The following ILDR1 variants were observed in gnomAD, a reference collection of about 807,000 sequenced individuals.
The protein encoded by ILDR1 is immunoglobulin-like domain-containing receptor 1.
ILDR1 carries 56 observed loss-of-function variants against 62.4 expected under a neutral mutation model. The observed-to-expected ratio is 0.90, with a 90% confidence interval of 0.72 to 1.12. ILDR1 has a LOEUF of 1.12. Among genes scored for constraint, ILDR1 ranks in the 50% most tolerant of loss-of-function variants. The pLI is 0.00. For synonymous variants in ILDR1, 284 were observed against 277.8 expected (o/e 1.02, Z -0.22); for missense variants, 736 against 710.6 (o/e 1.04, Z -0.41).
upstream of ILDR1, chr3:122,022,402 C>T: frequency 3.1e-6 from 1 of 324,748 alleles, no homozygotes. Flanking sequence ...ACCCCGCTGA[C>T]GGAGAAGATT....
intron 2 of ILDR1, among the ~76,000 whole-genome samples, chr3:122,005,925 A>G (rs2071602270): frequency 7.2e-6 from 1 of 139,344 alleles, no homozygotes; most frequent in Admixed American, 7.2e-5. Flanking sequence ...ACAAAAACAA[A>G]AACAAACAAA....
intron 1 of ILDR1, among the ~76,000 whole-genome samples, chr3:122,014,265 G>A (rs2071746843): frequency 6.6e-6 from 1 of 152,126 alleles, no homozygotes; most frequent in Non-Finnish European, 1.5e-5. Flanking sequence ...GTTCCTCCTT[G>A]CTCACCATGA....
the ILDR1 span, among the ~76,000 whole-genome samples, chr3:122,041,831 A>G: frequency 6.6e-6 from 1 of 151,088 alleles, no homozygotes. Flanking sequence ...AGAGCTTTCT[A>G]TATATAAGAT....
At chr3:122,045,610 G>C in the ILDR1 span, among the ~76,000 whole-genome samples, 1 of 150,432 alleles carries the variant, frequency 6.6e-6, no homozygotes, top group Admixed American at 6.6e-5. Context: ...TCCTGTATTG[G>C]GTGCATATAT....
At chr3:122,053,768 TTAAA>T in the ILDR1 span, among the ~76,000 whole-genome samples, 1 of 152,234 alleles carries the variant, frequency 6.6e-6, no homozygotes, top group South Asian at 2.1e-4. Context: ...TTATGCTATC[TTAAA>T]TAAAAATTTG....
chr3:122,021,809 G>T (rs1420847479), intron 1 of ILDR1, among the ~76,000 whole-genome samples: 1 of 152,236 alleles, frequency 6.6e-6, no homozygotes, highest in East Asian at 1.9e-4. Context: ...ACCTGTTTGG[G>T]AAGGGCCTGG....
chr3:122,029,451 G>A, the ILDR1 span, among the ~76,000 whole-genome samples: 2 of 151,012 alleles, frequency 1.3e-5, no homozygotes, highest in South Asian at 2.1e-4. Context: ...AGTTTGCAGT[G>A]AGCCGAGATC....
At chr3:122,007,392 A>G in intron 1 of ILDR1, 1 of 726,426 alleles carries the variant, frequency 1.4e-6, no homozygotes, top group Non-Finnish European at 2.2e-6. Context: ...GAAAACTCCC[A>G]GGAATTTACA....
intron 7 of ILDR1, among the ~76,000 whole-genome samples, chr3:121,989,344 A>G (rs918565622): frequency 6.6e-6 from 1 of 152,230 alleles, no homozygotes; most frequent in Non-Finnish European, 1.5e-5. Flanking sequence ...ATCAAGGAGT[A>G]GACATTTTGT....
the ILDR1 span, among the ~76,000 whole-genome samples, chr3:122,045,495 T>C: frequency 6.6e-6 from 1 of 152,104 alleles, no homozygotes; most frequent in Non-Finnish European, 1.5e-5. Flanking sequence ...GTCTGGTTGA[T>C]CTGTCTAATG....
the ILDR1 span, chr3:122,055,516 T>C: frequency 6.8e-6 from 11 of 1,613,656 alleles, no homozygotes; most frequent in Middle Eastern, 1.6e-4. Context: ...GAGTAATAAT[T>C]CTTATTCTTT....
intron 5 of ILDR1, among the ~76,000 whole-genome samples, 172 bp from the exon 6 acceptor site, chr3:121,994,485 C>T (rs575678833): frequency 2.5e-4 from 38 of 152,304 alleles, no homozygotes; most frequent in Non-Finnish European, 4.9e-4. Flanking sequence ...GTCCCCCTGG[C>T]GAGGAGCTGG....
intron 1 of ILDR1, among the ~76,000 whole-genome samples, chr3:122,018,394 T>TGGGGGGGGGGGG (rs535294009): frequency 1.9e-5 from 1 of 51,868 alleles, no homozygotes; most frequent in Non-Finnish European, 4.0e-5. Context: ...CCTGTTGGGG[T>TGGGGGGGGGGGG]GGGGGGGGGG....
chr3:121,990,676 A>G (rs1367743524), intron 7 of ILDR1, among the ~76,000 whole-genome samples: 1 of 152,144 alleles, frequency 6.6e-6, no homozygotes, highest in Non-Finnish European at 1.5e-5. Flanking sequence ...CACTGAGCCT[A>G]GAACCTGGGC....
At chr3:122,002,792 C>T (rs181523738) in intron 3 of ILDR1, among the ~76,000 whole-genome samples, 140 of 152,212 alleles carry the variant, frequency 9.2e-4, no homozygotes, top group African/African-American at 3.1e-3. Context: ...TCCAACAGGC[C>T]GCGGTGTGTA....
chr3:122,030,911 G>T, the ILDR1 span, among the ~76,000 whole-genome samples: 4 of 152,176 alleles, frequency 2.6e-5, no homozygotes, highest in African/African-American at 7.2e-5. Context: ...TTGAATGAGA[G>T]AATGTCTTGC....
intron 1 of ILDR1, among the ~76,000 whole-genome samples, chr3:122,010,971 G>A (rs1057440329): frequency 6.6e-5 from 10 of 152,148 alleles, no homozygotes; most frequent in Non-Finnish European, 1.2e-4. Flanking sequence ...TTTTTTCTAA[G>A]GGGGTCAGAG....
chr3:122,001,787 T>C lies in ILDR1; in HGVS notation c.457A>G (p.Thr153Ala), dbSNP rs779135942. The C allele has an allele frequency of 8.1e-6, 13 of 1,613,364 alleles. No individual in the cohort carries two copies. Among genetic ancestry groups the C allele is most frequent in the African/African-American group, 1.3e-5 (1 of 74,820 alleles). The part of the protein sequence containing the change: ...YYCTIEAPGD[T>A]SGDPDKEVKL... Reference sequence around the variant, plus strand: ...ACTTCCTTATCGGGGTCTCCTGATGTGTCCCCTGGAGCCTCAATGGTGCAG... The same window carrying C: ...ACTTCCTTATCGGGGTCTCCTGATGCGTCCCCTGGAGCCTCAATGGTGCAG... The change falls in exon 4 of 8, where the codon ACA (threonine) becomes GCA (alanine). Residue 153 changes from threonine to alanine, a missense_variant. By Grantham distance (58) the Thr-to-Ala change is moderately conservative (BLOSUM62 0). Transcript: ENST00000344209.
At chr3:122,015,793 C>T (rs1387476888) in intron 1 of ILDR1, among the ~76,000 whole-genome samples, 16 of 152,278 alleles carry the variant, frequency 1.1e-4, no homozygotes, top group Admixed American at 8.5e-4. Context: ...GCTTATTTAT[C>T]GCCGAAATAT....
Sources: gnomAD v4.1 joint callset for allele counts (sites outside exome capture counted in the v4.1 genomes callset) on GRCh38, gnomAD v4.1.1 for gene constraint, MANE v1.5 for transcripts, NCBI Gene and HGNC (gene_info 2026-07-23, HGNC 2026-07-21) for gene names.